Variants in SAMD13 observed in about 807,000 individuals in gnomAD.
SAMD13 encodes sterile alpha motif domain containing 13.
Under a neutral mutation model 12.4 loss-of-function variants are expected in SAMD13, and 9 were observed. That is an observed-to-expected ratio of 0.72 (90% confidence interval 0.44 to 1.26). The LOEUF (loss-of-function observed/expected upper bound fraction) is 1.26. SAMD13 is among the 50% of genes most tolerant of loss of function. The probability of loss-of-function intolerance (pLI) is 0.00; values close to 1 mark genes in which losing one functional copy is unlikely to be tolerated. For synonymous variants in SAMD13, 46 were observed against 45.4 expected, an observed-to-expected ratio of 1.01 and a Z score of -0.05; for missense variants, 84 against 119.6, an observed-to-expected ratio of 0.70 and a Z score of 1.39.
chr1:84,333,206 C>T (rs1047777488), intron 3 of SAMD13, among the ~76,000 whole-genome samples: 2 of 152,012 alleles, frequency 1.3e-5, no homozygotes, highest in African/African-American at 4.8e-5. Context: ...TTTTTTGGTT[C>T]CATATGAATG....
intron 3 of SAMD13, among the ~76,000 whole-genome samples, chr1:84,346,648 G>T (rs1268561777): frequency 1.3e-5 from 2 of 152,220 alleles, no homozygotes; most frequent in African/African-American, 4.8e-5. Flanking sequence ...GAGTCTGCAA[G>T]AACCTGTCTT....
chr1:84,339,911 C>G (rs563796929), intron 3 of SAMD13, among the ~76,000 whole-genome samples: 1 of 152,134 alleles, frequency 6.6e-6, no homozygotes, highest in Non-Finnish European at 1.5e-5. Context: ...AAGCAAACTC[C>G]CTGAGGTTAT....
chr1:84,304,773 A>C (rs375082084), intron 2 of SAMD13, among the ~76,000 whole-genome samples: 68 of 151,896 alleles, frequency 4.5e-4, no homozygotes, highest in South Asian at 2.7e-3. Context: ...CCCCGCCCCC[A>C]CACACACACA....
chr1:84,302,817 A>C, intron 1 of SAMD13: 2 of 174,128 alleles, frequency 1.1e-5, no homozygotes, highest in Non-Finnish European at 2.1e-5. Context: ...CAAAGCCCAT[A>C]ATGGGAGGGG....
In SAMD13 at chr1:84,316,240, T is replaced by C. The variant is rs907782626; in HGVS notation, c.54-9397T>C. Among the ~76,000 whole-genome samples the C allele has an allele frequency of 7.7e-5, 9 of 117,250 alleles. No individual in the cohort carries two copies. The Admixed American group carries it at 8.5e-4, about 11-fold the overall frequency. The allele number at this position is 117,250 out of a possible 152,430, so 76.9% of individuals were successfully genotyped here. Reference sequence around the variant, plus strand: ...TTAGTTTTATTTAGCCCTGCTTGTTTATTTTTGCTTTTGTTGCCTATGCTT... The same window carrying C: ...TTAGTTTTATTTAGCCCTGCTTGTTCATTTTTGCTTTTGTTGCCTATGCTT... On this transcript the variant is annotated intron_variant, in intron 2 of 3. Transcript: ENST00000394834.
rs188617408 is a variant in SAMD13, at chr1:84,312,899, G to A, written c.53+9612G>A. Among the ~76,000 whole-genome samples, 250 of 152,200 alleles carry A rather than the reference G, an allele frequency of 1.6e-3. 1 individual carries two copies. The highest frequency in any genetic ancestry group is 6.8e-3 in the Middle Eastern group (2 of 294). On this transcript the variant is annotated intron_variant, in intron 2 of 3. Transcript: ENST00000394834. The stretch of plus-strand genomic sequence containing the variant: ...CCCAAAATAAATTCTTGCATCAGGG[G>A]AAATGTTATATGAACATAAGATTGA...
intron 3 of SAMD13, 41 bp from the exon 4 acceptor site, chr1:84,349,590 T>C (rs751291182): frequency 1.3e-4 from 206 of 1,592,816 alleles, no homozygotes; most frequent in Non-Finnish European, 1.7e-4. Context: ...CCTTGAGCTT[T>C]TGGACTCACA....
chr1:84,337,645 C>G (rs1372162893), intron 3 of SAMD13, among the ~76,000 whole-genome samples: 1 of 152,198 alleles, frequency 6.6e-6, no homozygotes, highest in Non-Finnish European at 1.5e-5. Flanking sequence ...CTGACATGCC[C>G]TGGAGACATT....
chr1:84,350,092 A>G lies in SAMD13; in HGVS notation c.*318A>G, dbSNP rs1679618328. Reference sequence around the variant, plus strand: ...TTCCTCATCTCTTTATAGCTTTCCCAAAATCTTTTAAAAAAGAATTTAATT... The same window carrying G: ...TTCCTCATCTCTTTATAGCTTTCCCGAAATCTTTTAAAAAAGAATTTAATT... On this transcript the variant is annotated 3_prime_UTR_variant, in exon 4 of 4. Coordinates refer to ENST00000394834, the MANE Select transcript of SAMD13 (RefSeq NM_001134663.2). The G allele has an allele frequency of 4.9e-6, 1 of 202,212 alleles. No individual in the cohort carries two copies. The highest frequency in any genetic ancestry group is 1.3e-4 in the East Asian group (1 of 7,412). 12.5% of individuals were successfully genotyped at this position (202,212 alleles called of 1,614,324 possible).
chr1:84,334,442 A>G (rs542799155), intron 3 of SAMD13, among the ~76,000 whole-genome samples: 178 of 151,904 alleles, frequency 1.2e-3, no homozygotes, highest in Non-Finnish European at 2.1e-3. Flanking sequence ...TTGGATATTC[A>G]TTCCTTTCTT....
chr1:84,318,778 A>C (rs1163219635), intron 2 of SAMD13, among the ~76,000 whole-genome samples: 1 of 152,122 alleles, frequency 6.6e-6, no homozygotes, highest in African/African-American at 2.4e-5. Flanking sequence ...TTATCTGTTC[A>C]TTCTGATATA....
At chr1:84,334,008 A>C (rs575393883) in intron 3 of SAMD13, among the ~76,000 whole-genome samples, 1 of 152,018 alleles carries the variant, frequency 6.6e-6, no homozygotes, top group Non-Finnish European at 1.5e-5. Flanking sequence ...ATTGGCCTGA[A>C]GTTTTCTTTT....
At chr1:84,301,573 A>G, upstream of SAMD13, 1 of 982,588 alleles carries the variant, frequency 1.0e-6, no homozygotes, top group Non-Finnish European at 1.2e-6. Flanking sequence ...GTGAACAGGC[A>G]CACTGTAGCT....
chr1:84,335,066 T>G (rs1679264652), intron 3 of SAMD13, among the ~76,000 whole-genome samples: 1 of 152,102 alleles, frequency 6.6e-6, no homozygotes, highest in African/African-American at 2.4e-5. Flanking sequence ...TTTAGATCCA[T>G]TTAGTCAAGT....
chr1:84,334,558 C>T (rs543227455), intron 3 of SAMD13, among the ~76,000 whole-genome samples: 5 of 152,010 alleles, frequency 3.3e-5, no homozygotes, highest in South Asian at 4.1e-4. Flanking sequence ...CAGTTTCATT[C>T]GGTTCAGCTC....
chr1:84,313,411 T>C (rs1678759386), intron 2 of SAMD13, among the ~76,000 whole-genome samples: 1 of 152,142 alleles, frequency 6.6e-6, no homozygotes, highest in Admixed American at 6.6e-5. Context: ...TTTGACTAAA[T>C]TTTTTTAAAT....
At chr1:84,324,798 C>A (rs773986401) in intron 2 of SAMD13, among the ~76,000 whole-genome samples, 2 of 152,208 alleles carry the variant, frequency 1.3e-5, no homozygotes, top group African/African-American at 4.8e-5. Flanking sequence ...TTTCTTTATT[C>A]TACTTCTCCT....
chr1:84,324,287 C>T (rs1201828009), intron 2 of SAMD13, among the ~76,000 whole-genome samples: 2 of 152,166 alleles, frequency 1.3e-5, no homozygotes, highest in Non-Finnish European at 2.9e-5. Context: ...TAGCAAAAAT[C>T]CAGAATCCTC....
At chr1:84,345,317 T>G (rs1292946916) in intron 3 of SAMD13, 6 of 432,930 alleles carry the variant, frequency 1.4e-5, no homozygotes, top group Middle Eastern at 3.5e-4. Context: ...GATTTTCATA[T>G]GAGGCTGGGG....
Sources: allele counts gnomAD v4.1 joint callset (sites outside exome capture counted in the v4.1 genomes callset), GRCh38; gene constraint gnomAD v4.1.1; transcripts MANE v1.5; gene names NCBI Gene and HGNC (gene_info 2026-07-23, HGNC 2026-07-21).